Variants in ACP3 observed in about 807,000 individuals in gnomAD.
ACP3 encodes the protein acid phosphatase 3.
ACP3 carries 38 observed loss-of-function variants against 45.6 expected under a neutral mutation model. The observed-to-expected ratio is 0.83, with a 90% CI of 0.64 to 1.09. The LOEUF is 1.09. ACP3 is among the 50% of genes least tolerant of loss of function. The pLI is 0.00. For synonymous variants in ACP3, 162 were observed against 164.7 expected (o/e 0.98, Z 0.13); for missense variants, 466 against 463.2 (o/e 1.01, Z -0.05).
chr3:132,334,603 C>G (rs1005524195), intron 4 of ACP3, among the ~76,000 whole-genome samples: 8 of 152,114 alleles, frequency 5.3e-5, no homozygotes, highest in Admixed American at 6.5e-5. Context: ...AGAACTTGAA[C>G]CAGACCTCAG....
At chr3:132,321,378 C>T (rs1213813325) in intron 1 of ACP3, among the ~76,000 whole-genome samples, 1 of 152,136 alleles carries the variant, frequency 6.6e-6, no homozygotes, top group East Asian at 1.9e-4. Flanking sequence ...AATCAGGTCT[C>T]CTGCCTCAGT....
At chr3:132,332,100 G>T in intron 3 of ACP3, 92 bp from the exon 4 acceptor site, 1 of 1,366,942 alleles carries the variant, frequency 7.3e-7, no homozygotes, top group Non-Finnish European at 1.0e-6. Flanking sequence ...CACTGTGGGT[G>T]TCCTTTCCTT....
Position 132,358,167 on chromosome 3 carries a change from A to T in ACP3, c.*1289A>T, listed in dbSNP as rs1179141775. 2.6e-6 allele frequency: 2 copies of T among 776,786 alleles called. No individual in the cohort carries two copies. The highest frequency in any genetic ancestry group is 1.9e-5 in the African/African-American group (1 of 53,106). The allele number at this position is 776,786 out of a possible 1,614,324, so 48.1% of individuals were successfully genotyped here. On this transcript the variant is annotated 3_prime_UTR_variant, in exon 10 of 10. Transcript: ENST00000336375. ...CATTTTGGAAGGCTGAGGCAGGAGG[A>T]TCACTTTAGGCCTGGTGTGTTCAAG... is the stretch of plus-strand genomic sequence containing the variant.
At position 132,352,821 on chromosome 3, in the gene ACP3, G is replaced by A. The variant is rs761207057; in HGVS notation, c.966G>A (p.Lys322=). 2.5e-6 allele frequency: 4 copies of A among 1,600,172 alleles called. No individual in the cohort carries two copies. The highest frequency in any genetic ancestry group is 2.6e-6 in the Non-Finnish European group (3 of 1,167,472). The change falls in exon 9 of 10, where the codon AAG becomes AAA. Residue 322 remains lysine, a splice_region_variant and synonymous_variant. Transcript: ENST00000336375. ...ACTTGACGGAATTGTACTTTGAGAA[G>A]GGGTAAGTGACTAAGTGCTTTTCAA... ...SCHLTELYFE[K]GEYFVEMYYR...
Position 132,317,566 on chromosome 3 carries a change from T to C in ACP3, c.110T>C (p.Phe37Ser), listed in dbSNP as rs775625415. The C allele has an allele frequency of 1.5e-5, 24 of 1,611,000 alleles. No individual in the cohort carries two copies. The South Asian group carries it at 2.4e-4, about 16-fold the overall frequency. Residue 37 changes from phenylalanine (F) to serine (S), a missense_variant, in exon 1 of 10, where the codon TTT becomes TCT. Phe to Ser is a radical substitution (Grantham distance 155). Coordinates refer to ENST00000336375, the MANE Select transcript of ACP3 (RefSeq NM_001099.5). ...DRSVLAKELK[F>S]VTLVFRHGDR... is the part of the protein sequence containing the mutation. ...AGTGTACTAGCCAAGGAGTTGAAGT[T>C]TGTGACTTTGGTAAGTAGACTTTTC...
Position 132,330,646 on chromosome 3 carries a change from G to T in ACP3, c.217-1001G>T, listed in dbSNP as rs57773813. On this transcript the variant is annotated intron_variant, in intron 2 of 9. Transcript: ENST00000336375. ...ATTCCTTTCCCACCTTGTCCCTATC[G>T]TAGATGGGAAGTGATTATAGTGGTG... Among the ~76,000 whole-genome samples, 818 of 152,184 alleles carry T rather than the reference G, an allele frequency of 5.4e-3. 8 individuals are homozygous for T. The highest frequency in any genetic ancestry group is 0.018 in the African/African-American group (757 of 41,510).
At chr3:132,332,063 G>A in intron 3 of ACP3, 129 bp from the exon 4 acceptor site, 1 of 1,077,504 alleles carries the variant, frequency 9.3e-7, no homozygotes, top group Non-Finnish European at 1.4e-6. Flanking sequence ...TTATGATTCT[G>A]ATGTTAGCAC....
intron 1 of ACP3, among the ~76,000 whole-genome samples, chr3:132,319,307 G>A (rs1937163009): frequency 6.6e-6 from 1 of 152,132 alleles, no homozygotes; most frequent in South Asian, 2.1e-4. Flanking sequence ...AAATTATTAG[G>A]AGAACCAGAA....
Position 132,328,282 on chromosome 3 carries a change from G to C in ACP3, c.136G>C (p.Asp46His), listed in dbSNP as rs1484837065. The C allele has an allele frequency of 1.2e-6, 2 of 1,613,688 alleles. No homozygotes were observed. The highest frequency in any genetic ancestry group is 1.7e-6 in the Non-Finnish European group (2 of 1,179,770). Reference sequence around the variant, plus strand: ...CTACTTTCAGGTGTTTCGGCATGGAGACCGAAGTCCCATTGACACCTTTCC... The same window carrying C: ...CTACTTTCAGGTGTTTCGGCATGGACACCGAAGTCCCATTGACACCTTTCC... ...KFVTLVFRHG[D>H]RSPIDTFPTD... is the part of the protein sequence containing the mutation. Residue 46 changes from aspartate to histidine, a missense_variant, in exon 2 of 10, where the codon GAC becomes CAC. Coordinates refer to ENST00000336375, the MANE Select transcript of ACP3 (RefSeq NM_001099.5).
Position 132,317,469 on chromosome 3 carries a change from C to A in ACP3, c.13C>A (p.Pro5Thr). The part of the protein sequence containing the change: MRAA[P>T]LLLARAASLS... The stretch of plus-strand genomic sequence containing the variant: ...AGCTCTCCTCAACATGAGAGCTGCA[C>A]CCCTCCTCCTGGCCAGGGCAGCAAG... The change falls in exon 1 of 10, where the codon CCC becomes ACC. Residue 5 changes from proline to threonine, a missense_variant. Transcript: ENST00000336375. The A allele has an allele frequency of 1.2e-6, 2 of 1,613,126 alleles. No homozygotes were observed. The highest frequency in any genetic ancestry group is 1.7e-6 in the Non-Finnish European group (2 of 1,179,622).
At chr3:132,317,878 A>G (rs1937138616) in intron 1 of ACP3, among the ~76,000 whole-genome samples, 1 of 152,254 alleles carries the variant, frequency 6.6e-6, no homozygotes, top group South Asian at 2.1e-4. Context: ...CAGCCACACC[A>G]GTCCAGAAGA....
intron 2 of ACP3, among the ~76,000 whole-genome samples, chr3:132,330,021 C>T (rs1394506484): frequency 1.3e-5 from 2 of 150,224 alleles, no homozygotes; most frequent in African/African-American, 4.9e-5. Flanking sequence ...CAGATTCAAG[C>T]AATTCTCGTG....
At chr3:132,325,444 A>C (rs1484740942) in intron 1 of ACP3, among the ~76,000 whole-genome samples, 1 of 151,982 alleles carries the variant, frequency 6.6e-6, no homozygotes, top group Non-Finnish European at 1.5e-5. Context: ...TCTTCAAAAC[A>C]CTCTGCTAAG....
intron 9 of ACP3, among the ~76,000 whole-genome samples, chr3:132,354,530 C>G (rs1163037887): frequency 2.0e-5 from 3 of 152,080 alleles, no homozygotes; most frequent in Non-Finnish European, 4.4e-5. Context: ...AAAGGTGAAA[C>G]GTGATTGCTT....
In ACP3 at chr3:132,358,179, C is replaced by T. The variant is rs1328990541; in HGVS notation, c.*1301C>T. The T allele has an allele frequency of 1.1e-6, 1 of 902,864 alleles. No individual in the cohort carries two copies. 55.9% of individuals were successfully genotyped at this position (902,864 alleles called of 1,614,324 possible). A position where few individuals can be genotyped will look rare whatever the true frequency, so the allele number is the denominator to read the frequency against. On this transcript the variant is annotated 3_prime_UTR_variant, in exon 10 of 10. Coordinates refer to ENST00000336375, the MANE Select transcript of ACP3 (RefSeq NM_001099.5). ...CTGAGGCAGGAGGATCACTTTAGGC[C>T]TGGTGTGTTCAAGACCAGCCTGGTC...
intron 1 of ACP3, among the ~76,000 whole-genome samples, chr3:132,324,414 T>G (rs567339719): frequency 2.4e-4 from 37 of 152,054 alleles, no homozygotes; most frequent in Admixed American, 1.1e-3. Flanking sequence ...GATTTAAAAG[T>G]GTGAAGTGAT....
At position 132,334,353 on chromosome 3, in the gene ACP3, A is replaced by G. The variant is rs550323107; in HGVS notation, c.456+2009A>G. On this transcript the variant is annotated intron_variant, in intron 4 of 9. Coordinates refer to ENST00000336375, the MANE Select transcript of ACP3 (RefSeq NM_001099.5). ...TCAACTAAGAAATCTAATGAAACCA[A>G]TCAACACTAGCTTATTCCTAGCATT... 1.1e-4 allele frequency among the ~76,000 whole-genome samples: 16 copies of G among 152,346 alleles called. No homozygotes were observed. The East Asian group carries it at 2.9e-3, about 28-fold the overall frequency.
intron 1 of ACP3, among the ~76,000 whole-genome samples, chr3:132,318,571 T>C (rs1937150008): frequency 1.3e-5 from 2 of 152,178 alleles, no homozygotes; most frequent in Non-Finnish European, 2.9e-5. Context: ...CCCATGTGCT[T>C]ATTTGAATCA....
intron 9 of ACP3, among the ~76,000 whole-genome samples, chr3:132,356,135 C>G (rs1331229217): frequency 6.6e-6 from 1 of 152,196 alleles, no homozygotes; most frequent in Non-Finnish European, 1.5e-5. Flanking sequence ...ATACCCACAT[C>G]TTTGTTCTGA....
Sources: gnomAD v4.1 joint callset for allele counts (sites outside exome capture counted in the v4.1 genomes callset) on GRCh38, gnomAD v4.1.1 for gene constraint, MANE v1.5 for transcripts, NCBI Gene and HGNC (gene_info 2026-07-23, HGNC 2026-07-21) for gene names.